Variants in CEMIP2 observed in about 807,000 individuals in gnomAD.
The protein encoded by CEMIP2 is cell migration inducing hyaluronidase 2, also known as cell surface hyaluronidase CEMIP2.
A neutral mutation model predicts 146.9 loss-of-function variants in CEMIP2; 79 were observed. The observed-to-expected ratio is 0.54, with a 90% confidence interval of 0.45 to 0.65. The LOEUF is 0.65. Among genes scored for constraint, CEMIP2 ranks in the 30% least tolerant of loss-of-function variants. The pLI is 0.00. For missense variants in CEMIP2, 1,596 were observed against 1,696.2 expected (o/e 0.94, Z 1.04); for synonymous variants, 601 against 606.3 (o/e 0.99, Z 0.13).
At chr9:71,768,613 C>A (rs1824875709), upstream of CEMIP2, 1 of 152,798 alleles carries the variant, frequency 6.5e-6, no homozygotes, top group South Asian at 2.1e-4. Flanking sequence ...TCCTCCTGCC[C>A]CGAGCCTCGG....
intron 23 of CEMIP2, 89 bp from the exon 24 acceptor site, chr9:71,685,482 G>A: frequency 7.4e-7 from 1 of 1,350,352 alleles, no homozygotes; most frequent in Non-Finnish European, 9.7e-7. Context: ...AGTCGGAGGT[G>A]AGCAAAACAA....
At chr9:71,719,284 C>T (rs1823159723) in intron 12 of CEMIP2, among the ~76,000 whole-genome samples, 1 of 152,132 alleles carries the variant, frequency 6.6e-6, no homozygotes, top group South Asian at 2.1e-4. Context: ...GCAGAGGCAG[C>T]TATCGAGAGA....
At chr9:71,746,834 C>A (rs548779501) in intron 2 of CEMIP2, among the ~76,000 whole-genome samples, 1 of 152,138 alleles carries the variant, frequency 6.6e-6, no homozygotes, top group African/African-American at 2.4e-5. Context: ...CTGATAGCAC[C>A]TCTCTCCAAG....
chr9:71,709,149 C>T, intron 17 of CEMIP2, 110 bp downstream of exon 17: 1 of 980,192 alleles, frequency 1.0e-6, no homozygotes. Flanking sequence ...GAAGATAGAT[C>T]ATACTTTGGA....
chr9:71,702,673 T>C (rs1822606853), intron 18 of CEMIP2, among the ~76,000 whole-genome samples: 1 of 152,250 alleles, frequency 6.6e-6, no homozygotes, highest in Admixed American at 6.5e-5. Flanking sequence ...ACAAAATCTA[T>C]GACTTCCCTA....
chr9:71,694,288 A>C (rs1007972618), intron 21 of CEMIP2, among the ~76,000 whole-genome samples: 1 of 151,866 alleles, frequency 6.6e-6, no homozygotes, highest in Middle Eastern at 3.2e-3. Flanking sequence ...CTCTACGCCC[A>C]GCTAATTTTT....
intron 1 of CEMIP2, among the ~76,000 whole-genome samples, chr9:71,764,702 A>G (rs965473554): frequency 2.6e-5 from 4 of 152,204 alleles, no homozygotes; most frequent in Non-Finnish European, 4.4e-5. Flanking sequence ...TTGGATTTCT[A>G]TCAAAGGCAA....
intron 12 of CEMIP2, among the ~76,000 whole-genome samples, chr9:71,719,037 C>T (rs1190431453): frequency 6.6e-6 from 1 of 152,254 alleles, no homozygotes; most frequent in Non-Finnish European, 1.5e-5. Flanking sequence ...CCCCATGATG[C>T]TCAAATACTC....
intron 22 of CEMIP2, among the ~76,000 whole-genome samples, chr9:71,689,706 CT>C (rs1376933853): frequency 6.6e-6 from 1 of 152,146 alleles, no homozygotes; most frequent in Admixed American, 6.5e-5. Context: ...AATAAGCCTT[CT>C]GAGGGAGTTG....
At position 71,694,758 on chromosome 9, in the gene CEMIP2, A is replaced by G. The variant is rs537928098; in HGVS notation, c.3598-151T>C. 5.0e-6 allele frequency: 3 copies of G among 599,330 alleles called. No homozygotes were observed. In the African/African-American group the frequency reaches 5.6e-5, roughly 11 times the overall value. The allele number at this position is 599,330 out of a possible 1,614,324, so 37.1% of individuals were successfully genotyped here. ...TTTCATGACCTAGAATTCCATCTTG[A>G]TATTCTTAACACAGTAAGTATATAT... On this transcript the variant is annotated intron_variant, in intron 20 of 23. Coordinates refer to ENST00000377044, the MANE Select transcript of CEMIP2 (RefSeq NM_013390.3).
At chr9:71,698,310 C>T in intron 19 of CEMIP2, 106 bp from the exon 20 acceptor site, 1 of 894,864 alleles carries the variant, frequency 1.1e-6, no homozygotes, top group South Asian at 1.6e-5. Flanking sequence ...CAATTAGTAA[C>T]TTTTCCTTAA....
At chr9:71,762,484 C>G (rs1257196795) in intron 1 of CEMIP2, among the ~76,000 whole-genome samples, 1 of 131,204 alleles carries the variant, frequency 7.6e-6, no homozygotes, top group Non-Finnish European at 1.6e-5. Context: ...CTAACAAGAC[C>G]CCATGCCAGC....
chr9:71,702,334 A>G (rs903808313), intron 18 of CEMIP2, among the ~76,000 whole-genome samples: 1 of 151,802 alleles, frequency 6.6e-6, no homozygotes, highest in Admixed American at 6.6e-5. Flanking sequence ...AAGAATAACT[A>G]GAAAATGCAG....
intron 22 of CEMIP2, among the ~76,000 whole-genome samples, chr9:71,687,882 G>A (rs952322943): frequency 1.3e-5 from 2 of 151,956 alleles, no homozygotes; most frequent in Admixed American, 6.6e-5. Flanking sequence ...TAGAGATAGG[G>A]TCCTTGCTCT....
Position 71,742,347 on chromosome 9 carries a change from T to G in CEMIP2, c.1035-2115A>C, listed in dbSNP as rs375560481. Among the ~76,000 whole-genome samples the G allele has an allele frequency of 2.0e-5, 3 of 152,366 alleles. No individual in the cohort carries two copies. In the East Asian group the frequency reaches 5.8e-4, roughly 29 times the overall value. On this transcript the variant is annotated intron_variant, in intron 4 of 23. Coordinates refer to ENST00000377044, the MANE Select transcript of CEMIP2 (RefSeq NM_013390.3). ...AAAGAGAGGAAGAATTATCACAGGC[T>G]TCCTTTCTTTACCAGAACTGCCTCA...
At chr9:71,716,439 C>T in intron 14 of CEMIP2, 78 bp downstream of exon 14, 2 of 1,167,794 alleles carry the variant, frequency 1.7e-6, no homozygotes, top group South Asian at 1.4e-5. Context: ...TAAAACATTC[C>T]TGTGTATTAT....
intron 11 of CEMIP2, 58 bp from the exon 12 acceptor site, chr9:71,722,573 T>C (rs1823265203): frequency 1.5e-6 from 2 of 1,319,378 alleles, no homozygotes; most frequent in African/African-American, 1.5e-5. Flanking sequence ...CAACAACATA[T>C]ACAATGATTC....
chr9:71,728,293 A>ACG lies in CEMIP2; in HGVS notation c.2049+1551_2049+1552insCG, dbSNP rs1453330817. ...TATATATATATATGTATATATATAT[A>ACG]TATATATACATATATATATATATAC... On this transcript the variant is annotated intron_variant, in intron 10 of 23. Transcript: ENST00000377044. Among the ~76,000 whole-genome samples the ACG allele has an allele frequency of 1.3e-3, 52 of 39,568 alleles. 8 individuals are homozygous for ACG. The highest frequency in any genetic ancestry group is 3.9e-3 in the African/African-American group (42 of 10,662). The allele number at this position is 39,568 out of a possible 152,430, so 26.0% of individuals were successfully genotyped here. A position where few individuals can be genotyped will look rare whatever the true frequency, so the allele number is the denominator to read the frequency against.
At chr9:71,718,922 C>A (rs1205821747) in intron 12 of CEMIP2, among the ~76,000 whole-genome samples, 1 of 152,058 alleles carries the variant, frequency 6.6e-6, no homozygotes, top group Non-Finnish European at 1.5e-5. Context: ...TGAACTTCAC[C>A]TTTTCTTTTT....
Sources: gnomAD v4.1 joint callset for allele counts (sites outside exome capture counted in the v4.1 genomes callset) on GRCh38, gnomAD v4.1.1 for gene constraint, MANE v1.5 for transcripts, NCBI Gene and HGNC (gene_info 2026-07-23, HGNC 2026-07-21) for gene names.